ERC2: variants seen among roughly 807,000 people sequenced by gnomAD.
The protein encoded by ERC2 is ERC protein 2.
In ERC2, 42 loss-of-function variants were observed where a neutral mutation model predicts 114.8. The ratio of observed to expected loss-of-function variants is 0.37; its 90% CI spans 0.29 to 0.47. The LOEUF (loss-of-function observed/expected upper bound fraction) is 0.47. Ranked by LOEUF, ERC2 falls within the 20% of genes least tolerant of loss-of-function variation. The pLI is 0.99. For synonymous variants in ERC2, 454 were observed against 425.5 expected, an observed-to-expected ratio of 1.07 and a Z score of -0.82; for missense variants, 939 against 1,150.7, an observed-to-expected ratio of 0.82 and a Z score of 2.66.
At chr3:55,665,950 G>C (rs962746845) in intron 17 of ERC2, among the ~76,000 whole-genome samples, 1 of 152,162 alleles carries the variant, frequency 6.6e-6, no homozygotes, top group African/African-American at 2.4e-5. Context: ...ATTTAGACTT[G>C]GGCAGTCTGA....
At chr3:55,758,597 T>C (rs1233350799) in intron 14 of ERC2, among the ~76,000 whole-genome samples, 2 of 152,296 alleles carry the variant, frequency 1.3e-5, no homozygotes, top group East Asian at 3.9e-4. Context: ...CTAACTTAGA[T>C]TTCCTTGTCT....
chr3:56,049,129 C>T (rs1311180730), intron 7 of ERC2, among the ~76,000 whole-genome samples: 1 of 152,142 alleles, frequency 6.6e-6, no homozygotes, highest in Non-Finnish European at 1.5e-5. Context: ...ATGCTAAGGA[C>T]CTTTATTCTG....
chr3:55,874,410 T>G (rs2062729394), intron 14 of ERC2, among the ~76,000 whole-genome samples: 2 of 152,186 alleles, frequency 1.3e-5, no homozygotes, highest in Non-Finnish European at 2.9e-5. Flanking sequence ...TCATTCATGT[T>G]GAAGGGTCAT....
At chr3:56,195,138 T>C (rs2048018777) in intron 3 of ERC2, among the ~76,000 whole-genome samples, 1 of 152,162 alleles carries the variant, frequency 6.6e-6, no homozygotes, top group Non-Finnish European at 1.5e-5. Flanking sequence ...GGGGCCATTA[T>C]TAAGTAAATA....
At chr3:56,412,390 T>A (rs553431765) in intron 2 of ERC2, among the ~76,000 whole-genome samples, 1 of 152,246 alleles carries the variant, frequency 6.6e-6, no homozygotes, top group Non-Finnish European at 1.5e-5. Context: ...ATGAAACTAA[T>A]ATAATGAGTC....
chr3:55,723,840 G>A (rs964613230), intron 15 of ERC2, among the ~76,000 whole-genome samples: 1 of 152,132 alleles, frequency 6.6e-6, no homozygotes, highest in African/African-American at 2.4e-5. Context: ...GCAGTATGAA[G>A]CAAAAAGGAA....
intron 5 of ERC2, among the ~76,000 whole-genome samples, chr3:56,147,485 GCA>G (rs2081202341): frequency 6.6e-6 from 1 of 151,950 alleles, no homozygotes; most frequent in South Asian, 2.1e-4. Context: ...ACACACACAC[GCA>G]CACACGTTGT....
chr3:56,266,012 G>C (rs2053267229), intron 3 of ERC2, among the ~76,000 whole-genome samples: 1 of 143,566 alleles, frequency 7.0e-6, no homozygotes. Flanking sequence ...CTGGGTGACA[G>C]AGTGAGAATC....
chr3:55,546,083 G>C (rs2054728875), intron 17 of ERC2, among the ~76,000 whole-genome samples: 1 of 152,228 alleles, frequency 6.6e-6, no homozygotes, highest in South Asian at 2.1e-4. Context: ...TATGGGATAA[G>C]CTAGGAAAAG....
At chr3:56,309,325 T>A (rs768776452) in intron 2 of ERC2, among the ~76,000 whole-genome samples, 2 of 152,184 alleles carry the variant, frequency 1.3e-5, no homozygotes, top group Admixed American at 6.5e-5. Flanking sequence ...TATGTGACGT[T>A]TTGCCAAGAT....
intron 3 of ERC2, among the ~76,000 whole-genome samples, chr3:56,271,697 T>C (rs2053662045): frequency 1.3e-5 from 2 of 152,204 alleles, no homozygotes; most frequent in Non-Finnish European, 2.9e-5. Flanking sequence ...GTACAGATTA[T>C]TTCATCACCC....
chr3:56,064,922 T>A (rs565753821), intron 7 of ERC2, among the ~76,000 whole-genome samples: 5 of 152,352 alleles, frequency 3.3e-5, no homozygotes, highest in African/African-American at 1.2e-4. Context: ...ATTTATTTAC[T>A]CAATCTATTA....
intron 2 of ERC2, among the ~76,000 whole-genome samples, chr3:56,386,841 T>C (rs986500790): frequency 6.6e-6 from 1 of 152,144 alleles, no homozygotes; most frequent in Non-Finnish European, 1.5e-5. Flanking sequence ...TATAACACCA[T>C]ATGTAAGACT....
intron 10 of ERC2, among the ~76,000 whole-genome samples, chr3:55,998,656 T>G (rs1262096477): frequency 1.3e-5 from 2 of 152,216 alleles, no homozygotes; most frequent in Non-Finnish European, 2.9e-5. Flanking sequence ...AAGAAACTGC[T>G]ATATCCAAAC....
intron 3 of ERC2, among the ~76,000 whole-genome samples, chr3:56,202,453 G>C (rs2150098876): frequency 6.7e-6 from 1 of 149,586 alleles, no homozygotes; most frequent in Non-Finnish European, 1.5e-5. Context: ...TACAGCAAAA[G>C]AGAGTTTGCA....
At chr3:56,407,460 G>C (rs1468837389) in intron 2 of ERC2, among the ~76,000 whole-genome samples, 1 of 152,126 alleles carries the variant, frequency 6.6e-6, no homozygotes, top group Non-Finnish European at 1.5e-5. Context: ...CTGATTTCTA[G>C]ACCCCACACT....
intron 17 of ERC2, among the ~76,000 whole-genome samples, chr3:55,650,086 T>A (rs1278665081): frequency 1.3e-5 from 2 of 152,188 alleles, no homozygotes; most frequent in Non-Finnish European, 2.9e-5. Context: ...GATTGTGTTG[T>A]CTTTTGGTCC....
intron 2 of ERC2, among the ~76,000 whole-genome samples, chr3:56,342,640 A>G (rs2058132921): frequency 6.6e-6 from 1 of 152,204 alleles, no homozygotes; most frequent in Non-Finnish European, 1.5e-5. Flanking sequence ...GAGGACTAAC[A>G]CTTCAGTAGG....
chr3:55,554,871 T>G (rs2055488320), intron 17 of ERC2, among the ~76,000 whole-genome samples: 1 of 152,110 alleles, frequency 6.6e-6, no homozygotes, highest in African/African-American at 2.4e-5. Context: ...CAAGAGAGGA[T>G]GCAGCTGCTC....
Sources: gnomAD v4.1 joint callset for allele counts (sites outside exome capture counted in the v4.1 genomes callset) on GRCh38, gnomAD v4.1.1 for gene constraint, MANE v1.5 for transcripts, NCBI Gene and HGNC (gene_info 2026-07-23, HGNC 2026-07-21) for gene names.